The following TTC28 variants were observed in gnomAD, a reference collection of about 807,000 sequenced individuals.
The protein encoded by TTC28 is tetratricopeptide repeat protein 28.
TTC28 carries 61 observed loss-of-function variants against 198.0 expected under a neutral mutation model. The ratio of observed to expected loss-of-function variants is 0.31; its 90% CI spans 0.25 to 0.38. The LOEUF is 0.38. Ranked by LOEUF, TTC28 falls within the 10% of genes least tolerant of loss-of-function variation. TTC28 has a pLI of 1.00. For missense variants in TTC28, 2,678 were observed against 3,164.0 expected (o/e 0.85, Z 3.69); for synonymous variants, 1,171 against 1,297.8 (o/e 0.90, Z 2.10).
At chr22:28,201,549 A>G (rs1925939349) in intron 5 of TTC28, among the ~76,000 whole-genome samples, 1 of 152,060 alleles carries the variant, frequency 6.6e-6, no homozygotes, top group South Asian at 2.1e-4. Flanking sequence ...AGCATATGGA[A>G]CTTTCAAGTT....
chr22:28,378,973 A>C, intron 2 of TTC28, among the ~76,000 whole-genome samples: 1 of 152,244 alleles, frequency 6.6e-6, no homozygotes. Flanking sequence ...ATCATAATCA[A>C]TTTTTTAAAT....
At chr22:28,661,105 A>T (rs1040703017) in intron 1 of TTC28, among the ~76,000 whole-genome samples, 1 of 151,570 alleles carries the variant, frequency 6.6e-6, no homozygotes, top group African/African-American at 2.4e-5. Flanking sequence ...ACCAACATGG[A>T]GAAACCCCGT....
chr22:28,525,016 G>A (rs1412113056), intron 2 of TTC28, among the ~76,000 whole-genome samples: 1 of 152,010 alleles, frequency 6.6e-6, no homozygotes, highest in African/African-American at 2.4e-5. Flanking sequence ...ACTTATTATT[G>A]ATAGAAAAAA....
chr22:28,358,720 T>C (rs1190076840), intron 2 of TTC28, among the ~76,000 whole-genome samples: 3 of 152,210 alleles, frequency 2.0e-5, no homozygotes, highest in Non-Finnish European at 2.9e-5. Context: ...GGAGAACTTA[T>C]TATTTTGAAG....
intron 14 of TTC28, chr22:28,008,051 G>C (rs1308654500): frequency 6.6e-6 from 1 of 152,118 alleles, no homozygotes; most frequent in South Asian, 2.1e-4. Context: ...CTGGAATCTA[G>C]GTCTGATTGT....
chr22:28,314,679 C>A (rs896379507), intron 2 of TTC28, among the ~76,000 whole-genome samples: 1 of 152,110 alleles, frequency 6.6e-6, no homozygotes, highest in Non-Finnish European at 1.5e-5. Flanking sequence ...ATTCGGCCAT[C>A]TTACCAGCCA....
At position 28,044,424 on chromosome 22, in the gene TTC28, C is replaced by T. The variant is rs115293775; in HGVS notation, c.3933-14058G>A. 1.6e-3 allele frequency among the ~76,000 whole-genome samples: 246 copies of T among 152,196 alleles called. 1 individual carries two copies. The highest frequency in any genetic ancestry group is 5.6e-3 in the African/African-American group (231 of 41,530). On this transcript the variant is annotated intron_variant, in intron 12 of 22. Coordinates refer to ENST00000397906, the MANE Select transcript of TTC28 (RefSeq NM_001145418.2). Reference sequence around the variant, plus strand: ...CTGATAAAAGTCCTCTTCCAAAATGCTTTCTTAAGAGCATTTTCTTTTCTT... The same window carrying T: ...CTGATAAAAGTCCTCTTCCAAAATGTTTTCTTAAGAGCATTTTCTTTTCTT...
intron 2 of TTC28, among the ~76,000 whole-genome samples, chr22:28,584,981 T>C (rs2050292547): frequency 6.6e-6 from 1 of 152,158 alleles, no homozygotes; most frequent in Admixed American, 6.5e-5. Flanking sequence ...ATATAGACTA[T>C]TCTTTTAAGA....
intron 2 of TTC28, among the ~76,000 whole-genome samples, chr22:28,604,668 C>T (rs2050701778): frequency 6.6e-6 from 1 of 151,914 alleles, no homozygotes; most frequent in African/African-American, 2.4e-5. Flanking sequence ...TGCTTGAACC[C>T]GGGAGGCAGA....
chr22:28,556,744 T>C (rs770283482), intron 2 of TTC28, among the ~76,000 whole-genome samples: 7 of 152,232 alleles, frequency 4.6e-5, no homozygotes, highest in Non-Finnish European at 5.9e-5. Context: ...GCAGCTGAGA[T>C]GCTAGCTAGA....
intron 2 of TTC28, among the ~76,000 whole-genome samples, chr22:28,475,043 G>A (rs1340996277): frequency 3.3e-5 from 5 of 151,288 alleles, no homozygotes; most frequent in Non-Finnish European, 7.4e-5. Context: ...CTAGCTACTC[G>A]GGAGGCTGAG....
intron 12 of TTC28, among the ~76,000 whole-genome samples, chr22:28,050,406 T>C (rs924816445): frequency 3.3e-5 from 5 of 152,238 alleles, no homozygotes; most frequent in Non-Finnish European, 7.3e-5. Flanking sequence ...TGTGTTCTTG[T>C]AGAAAACACA....
At chr22:28,583,868 G>T (rs1346950990) in intron 2 of TTC28, among the ~76,000 whole-genome samples, 2 of 152,010 alleles carry the variant, frequency 1.3e-5, no homozygotes, top group Non-Finnish European at 2.9e-5. Context: ...AAAAGCAGAT[G>T]GGTCAATACC....
At position 28,118,131 on chromosome 22, in the gene TTC28, G is replaced by A. The variant is rs376679622; in HGVS notation, c.1442-9728C>T. Among the ~76,000 whole-genome samples the A allele has an allele frequency of 2.4e-4, 36 of 152,280 alleles. No homozygotes were observed. In the East Asian group the frequency reaches 3.9e-3, roughly 16 times the overall value. On this transcript the variant is annotated intron_variant, in intron 6 of 22. Coordinates refer to ENST00000397906, the MANE Select transcript of TTC28 (RefSeq NM_001145418.2). Reference sequence around the variant, plus strand: ...AAAGAATTATGGGCCAGGAGCGGTGGCTCACACCTGTAATCCCAACACTTT... The same window carrying A: ...AAAGAATTATGGGCCAGGAGCGGTGACTCACACCTGTAATCCCAACACTTT...
At chr22:28,309,895 A>C (rs1411690378) in intron 2 of TTC28, among the ~76,000 whole-genome samples, 2 of 152,138 alleles carry the variant, frequency 1.3e-5, no homozygotes, top group African/African-American at 4.8e-5. Flanking sequence ...GAAGAAGAGA[A>C]ATGTACAGGG....
At chr22:28,509,141 A>C (rs1480737368) in intron 2 of TTC28, among the ~76,000 whole-genome samples, 1 of 151,162 alleles carries the variant, frequency 6.6e-6, no homozygotes, top group Non-Finnish European at 1.5e-5. Flanking sequence ...CAGTGAGCTG[A>C]GATTGCACCA....
At chr22:28,426,178 C>T (rs571578947) in intron 2 of TTC28, among the ~76,000 whole-genome samples, 7 of 142,178 alleles carry the variant, frequency 4.9e-5, no homozygotes, top group African/African-American at 1.8e-4. Context: ...CAACACTGCA[C>T]GCCAGCCTGG....
At chr22:28,482,552 T>A (rs556999550) in intron 2 of TTC28, among the ~76,000 whole-genome samples, 2 of 152,220 alleles carry the variant, frequency 1.3e-5, no homozygotes, top group East Asian at 1.9e-4. Context: ...TCAAGCATTT[T>A]AAAAAATAAT....
chr22:28,575,578 G>GAATAT (rs2050133180), intron 2 of TTC28, among the ~76,000 whole-genome samples: 1 of 152,158 alleles, frequency 6.6e-6, no homozygotes, highest in Non-Finnish European at 1.5e-5. Context: ...AGATTGCACT[G>GAATAT]AATATGTAGA....
Sources: allele counts gnomAD v4.1 joint callset (sites outside exome capture counted in the v4.1 genomes callset), GRCh38; gene constraint gnomAD v4.1.1; transcripts MANE v1.5; gene names NCBI Gene and HGNC (gene_info 2026-07-23, HGNC 2026-07-21).